Variants in FAN1 observed in about 807,000 individuals in gnomAD.
FAN1 encodes FANCD2 and FANCI associated nuclease 1, also known as fanconi-associated nuclease 1.
Under a neutral mutation model 104.9 loss-of-function variants are expected in FAN1, and 91 were observed. The ratio of observed to expected loss-of-function variants is 0.87; its 90% CI spans 0.73 to 1.03. FAN1 has a LOEUF of 1.03. Among genes scored for constraint, FAN1 ranks in the 50% least tolerant of loss-of-function variants. The pLI is 0.00. For synonymous variants in FAN1, 478 were observed against 457.6 expected, an observed-to-expected ratio of 1.04 and a Z score of -0.57; for missense variants, 1,263 against 1,239.9, an observed-to-expected ratio of 1.02 and a Z score of -0.28.
chr15:30,932,457 C>G (rs2062738132), intron 13 of FAN1, among the ~76,000 whole-genome samples: 1 of 152,068 alleles, frequency 6.6e-6, no homozygotes, highest in Non-Finnish European at 1.5e-5. Flanking sequence ...ATACCAGCAT[C>G]AGAGTGGGAT....
rs775905125 is a variant in FAN1, at chr15:30,905,856, A to C, written c.1193A>C (p.Glu398Ala). ...ENEDDMLLFD[E>A]QEKGIVTKFY... ...GAAGATGATATGTTGCTCTTTGATG[A>C]GCAGGAGAAGGGAATTGTAACTAAA... Residue 398 changes from glutamate to alanine, a missense_variant, in exon 2 of 15, where the codon GAG becomes GCG. By Grantham distance (107) the Glu-to-Ala change is moderately radical. This residue lies in a region of FAN1 where 682 missense variants were observed against 571.1 expected (regional missense o/e 1.19). Coordinates refer to ENST00000362065, the MANE Select transcript of FAN1 (RefSeq NM_014967.5). The C allele has an allele frequency of 3.1e-6, 5 of 1,613,832 alleles. No individual in the cohort carries two copies. The highest frequency in any genetic ancestry group is 4.2e-6 in the Non-Finnish European group (5 of 1,179,810).
intron 6 of FAN1, among the ~76,000 whole-genome samples, chr15:30,919,296 C>T (rs997714193): frequency 1.4e-5 from 2 of 147,978 alleles, no homozygotes; most frequent in African/African-American, 5.0e-5. Context: ...AGGAGAATCA[C>T]TTGAACCCAG....
At chr15:30,940,285 TAGAG>T (rs1222710132) in intron 14 of FAN1, 1 of 960,948 alleles carries the variant, frequency 1.0e-6, no homozygotes, top group African/African-American at 1.8e-5. Flanking sequence ...TACTTTACTT[TAGAG>T]AGATTCAGAT....
chr15:30,925,088 T>A (rs2062425721), intron 8 of FAN1, 39 bp from the exon 9 acceptor site: 2 of 1,563,654 alleles, frequency 1.3e-6, no homozygotes, highest in Non-Finnish European at 1.7e-6. Context: ...CGCCATGGGT[T>A]TTTTTAGGAG....
chr15:30,938,627 C>T (rs557600374), intron 14 of FAN1, among the ~76,000 whole-genome samples: 258 of 152,178 alleles, frequency 1.7e-3, no homozygotes, highest in African/African-American at 4.8e-3. Flanking sequence ...GCGCCAGGCC[C>T]GGGAGTCAGG....
In FAN1 at chr15:30,905,879, AAATTT is replaced by A. The variant is rs1254747744; in HGVS notation, c.1217_1221del (p.Lys406IlefsTer18). 1 of 1,612,774 alleles carries A rather than the reference AAATTT, an allele frequency of 6.2e-7. No homozygotes were observed. Among genetic ancestry groups the A allele is most frequent in the Non-Finnish European group, 8.5e-7 (1 of 1,178,946 alleles). On this transcript the variant is annotated frameshift_variant, in exon 2 of 15. Transcript: ENST00000362065. LOFTEE classifies it high-confidence loss of function. The stretch of plus-strand genomic sequence containing the variant: ...TGAGCAGGAGAAGGGAATTGTAACT[AAATTT>A]TATCAGTTATCAGGTATCTTACGCA...
At chr15:30,926,394 G>A (rs1461736766) in intron 10 of FAN1, 1 of 165,376 alleles carries the variant, frequency 6.0e-6, no homozygotes, top group African/African-American at 2.4e-5. Context: ...GGCCTGGCAG[G>A]ACTCTCCCTG....
intron 12 of FAN1, among the ~76,000 whole-genome samples, chr15:30,929,949 AATAT>A (rs2062655087): frequency 3.3e-5 from 4 of 120,466 alleles, no homozygotes; most frequent in South Asian, 4.6e-4. Context: ...TATATAATAT[AATAT>A]ATATCATATA....
In FAN1 at chr15:30,937,018, G is replaced by C. The variant is rs140691676; in HGVS notation, c.2917-101G>C. The C allele has an allele frequency of 1.0e-5, 9 of 886,418 alleles. No homozygotes were observed. The Admixed American group carries it at 2.0e-4, about 19-fold the overall frequency. The allele number at this position is 886,418 out of a possible 1,614,324, so 54.9% of individuals were successfully genotyped here. ...CACTTACAAATACAGTGAGAGAGCA[G>C]AAGAGCCATTTAAATAGTTGTCAGT... On this transcript the variant is annotated intron_variant, in intron 13 of 14. Transcript: ENST00000362065.
At chr15:30,939,443 C>G (rs139848118) in intron 14 of FAN1, 1,702 of 985,472 alleles carry the variant, frequency 1.7e-3, no homozygotes, top group Non-Finnish European at 1.9e-3. Context: ...CAGCTTCACC[C>G]TGGCCCGACT....
chr15:30,907,177 C>T (rs2061998967), intron 2 of FAN1, among the ~76,000 whole-genome samples: 1 of 151,658 alleles, frequency 6.6e-6, no homozygotes, highest in Admixed American at 6.6e-5. Context: ...AACTCTTGGT[C>T]CCAAGCGATC....
intron 3 of FAN1, among the ~76,000 whole-genome samples, chr15:30,909,683 C>T (rs1038515100): frequency 2.2e-4 from 33 of 152,222 alleles, no homozygotes; most frequent in Admixed American, 1.8e-3. Context: ...CTTTCTGCCA[C>T]GGCCACCCAG....
chr15:30,905,046 A>T lies in FAN1; in HGVS notation c.383A>T (p.Tyr128Phe), dbSNP rs1452269132. The change falls in exon 2 of 15, where the codon TAC (tyrosine) becomes TTC (phenylalanine). Residue 128 changes from tyrosine to phenylalanine, a missense_variant. Tyr to Phe is a conservative substitution (Grantham distance 22). This residue lies in a region of FAN1 where 682 missense variants were observed against 571.1 expected (regional missense o/e 1.19). Transcript: ENST00000362065. ...KREVKQKISP[Y>F]FKSNDVVCKN... is the part of the protein sequence containing the mutation. Reference sequence around the variant, plus strand: ...GAAGTAAAGCAGAAGATCAGTCCCTACTTTAAAAGTAATGATGTGGTGTGC... The same window carrying T: ...GAAGTAAAGCAGAAGATCAGTCCCTTCTTTAAAAGTAATGATGTGGTGTGC... 2.3e-5 allele frequency: 37 copies of T among 1,613,982 alleles called. No homozygotes were observed. The highest frequency in any genetic ancestry group is 3.0e-5 in the Non-Finnish European group (35 of 1,180,030).
At chr15:30,904,367 T>G (rs1341254922) in intron 1 of FAN1, 145 bp from the exon 2 acceptor site, 2 of 509,148 alleles carry the variant, frequency 3.9e-6, no homozygotes, top group African/African-American at 1.9e-5. Context: ...CGTACAGAGC[T>G]TGTCGGAGGG....
At position 30,905,753 on chromosome 15, in the gene FAN1, A is replaced by C. The variant is rs187082481; in HGVS notation, c.1090A>C (p.Asn364His). Residue 364 changes from asparagine (N) to histidine (H), a missense_variant, in exon 2 of 15, where the codon AAT (asparagine) becomes CAT (histidine). By Grantham distance (68) the Asn-to-His change is moderately conservative. Transcript: ENST00000362065. ...TCCTTTGGAGCAGGGGTCAAGCTGCAATGGTCCTGGTCAAACAACCGGTCA... is the reference window on the plus strand; with the variant it reads ...TCCTTTGGAGCAGGGGTCAAGCTGCCATGGTCCTGGTCAAACAACCGGTCA... Reference protein sequence around the residue: ...SIPLEQGSSCNGPGQTTGHPY... With the variant: ...SIPLEQGSSCHGPGQTTGHPY... 1.8e-4 allele frequency: 297 copies of C among 1,614,186 alleles called. No individual in the cohort carries two copies. In the Admixed American group the frequency reaches 4.8e-3, roughly 26 times the overall value.
At chr15:30,926,708 C>A (rs1357960992) in intron 10 of FAN1, 5 of 985,304 alleles carry the variant, frequency 5.1e-6, no homozygotes, top group Non-Finnish European at 6.0e-6. Context: ...AATGCACATT[C>A]AAGGCCCCGA....
At chr15:30,911,192 G>A (rs1566913296) in intron 4 of FAN1, 3 of 1,006,748 alleles carry the variant, frequency 3.0e-6, no homozygotes, top group Non-Finnish European at 3.6e-6. Flanking sequence ...CAGTCTTAAT[G>A]TGCAAGTTTT....
intron 12 of FAN1, 80 bp downstream of exon 12, chr15:30,929,477 A>G: frequency 9.6e-7 from 1 of 1,043,046 alleles, no homozygotes; most frequent in South Asian, 1.6e-5. Context: ...ACTTTATCAA[A>G]ATACACATGT....
chr15:30,933,868 C>T (rs1022874262), intron 13 of FAN1, among the ~76,000 whole-genome samples: 6 of 151,928 alleles, frequency 3.9e-5, no homozygotes, highest in African/African-American at 1.5e-4. Flanking sequence ...TCAAGCAATT[C>T]TTCTGCCTCA....
Sources: gnomAD v4.1 joint callset for allele counts (sites outside exome capture counted in the v4.1 genomes callset) on GRCh38, gnomAD v4.1.1 for gene constraint, gnomAD v4.1.1 regional missense constraint, MANE v1.5 for transcripts, NCBI Gene and HGNC (gene_info 2026-07-23, HGNC 2026-07-21) for gene names.